Variants in WWOX observed in about 807,000 individuals in gnomAD.
WWOX encodes the protein WW domain containing oxidoreductase.
A neutral mutation model predicts 46.2 loss-of-function variants in WWOX; 69 were observed. That is an observed-to-expected ratio of 1.49 (90% CI 1.23 to 1.82). The LOEUF is 1.82. WWOX is among the 40% of genes most tolerant of loss of function. WWOX has a pLI of 0.00. For synonymous variants in WWOX, 359 were observed against 202.6 expected (o/e 1.77, Z -6.56); for missense variants, 919 against 542.6 (o/e 1.69, Z -6.89).
chr16:78,608,609 T>C (rs1032946792), intron 8 of WWOX, among the ~76,000 whole-genome samples: 1 of 152,176 alleles, frequency 6.6e-6, no homozygotes, highest in Non-Finnish European at 1.5e-5. Flanking sequence ...ACCCATACTG[T>C]GGAAGGGTCA....
chr16:78,149,441 C>T (rs1167057906), intron 4 of WWOX, among the ~76,000 whole-genome samples: 1 of 152,100 alleles, frequency 6.6e-6, no homozygotes, highest in Non-Finnish European at 1.5e-5. Context: ...ATTCTGAGCC[C>T]CAAGATGAAA....
intron 8 of WWOX, among the ~76,000 whole-genome samples, chr16:79,117,528 C>T (rs1254750541): frequency 6.6e-6 from 1 of 152,198 alleles, no homozygotes; most frequent in Non-Finnish European, 1.5e-5. Context: ...AAGTCACCAG[C>T]AGGGAAGAGA....
chr16:78,884,514 G>A (rs562519213), intron 8 of WWOX, among the ~76,000 whole-genome samples: 1 of 152,210 alleles, frequency 6.6e-6, no homozygotes, highest in South Asian at 2.1e-4. Flanking sequence ...TCACCAACAA[G>A]AATGAATGAC....
intron 8 of WWOX, among the ~76,000 whole-genome samples, chr16:78,560,727 A>G: frequency 6.6e-6 from 1 of 152,242 alleles, no homozygotes; most frequent in East Asian, 1.9e-4. Context: ...AAGCAATTAA[A>G]AAAAAGCAGC....
intron 8 of WWOX, among the ~76,000 whole-genome samples, chr16:79,019,031 C>T (rs2047474202): frequency 6.6e-6 from 1 of 151,340 alleles, no homozygotes; most frequent in Non-Finnish European, 1.5e-5. Flanking sequence ...GTGGCTCATG[C>T]CTGTAGTTTC....
chr16:78,768,356 G>C lies in WWOX; in HGVS notation c.1056+335604G>C, dbSNP rs1465456832. ...TGTACTCCCAGCACTTTGGGAGGCT[G>C]AGGTGGGCGGATCATCTGAGGTGAG... On this transcript the variant is annotated intron_variant, in intron 8 of 8. Transcript: ENST00000566780. Among the ~76,000 whole-genome samples the C allele has an allele frequency of 2.0e-5, 3 of 149,396 alleles. No homozygotes were observed. The Admixed American group carries it at 2.0e-4, about 10-fold the overall frequency.
In WWOX at chr16:78,738,608, C is replaced by A. The variant is rs116785221; in HGVS notation, c.1056+305856C>A. Among the ~76,000 whole-genome samples the A allele has an allele frequency of 2.2e-3, 331 of 152,304 alleles. 2 individuals are homozygous for A. The highest frequency in any genetic ancestry group is 7.8e-3 in the African/African-American group (322 of 41,548). ...ACTGCTGGATTATCTAGTCCCTGAA[C>A]AGCCATTTATATTTTTGTTACGCTT... is the stretch of plus-strand genomic sequence containing the variant. On this transcript the variant is annotated intron_variant, in intron 8 of 8. Transcript: ENST00000566780.
chr16:78,486,588 T>G (rs1400728117), intron 8 of WWOX, among the ~76,000 whole-genome samples: 1 of 151,938 alleles, frequency 6.6e-6, no homozygotes, highest in Non-Finnish European at 1.5e-5. Flanking sequence ...TTGTTTTGTT[T>G]TGTTTTGAAA....
At chr16:78,153,975 G>A (rs1422253108) in intron 4 of WWOX, among the ~76,000 whole-genome samples, 1 of 152,060 alleles carries the variant, frequency 6.6e-6, no homozygotes, top group Non-Finnish European at 1.5e-5. Flanking sequence ...TGTGCCTGAG[G>A]ATTCTGTGGG....
chr16:78,625,786 C>T (rs1169089485), intron 8 of WWOX, among the ~76,000 whole-genome samples: 2 of 123,326 alleles, frequency 1.6e-5, no homozygotes, highest in African/African-American at 6.3e-5. Context: ...TTTGCCAGTA[C>T]TTAAAAGTAA....
chr16:79,119,565 CA>C (rs2049585869), intron 8 of WWOX, among the ~76,000 whole-genome samples: 1 of 152,190 alleles, frequency 6.6e-6, no homozygotes, highest in African/African-American at 2.4e-5. Context: ...GTGGGTTTTA[CA>C]TTGAGAATCT....
At chr16:78,483,584 C>G (rs1301043307) in intron 8 of WWOX, among the ~76,000 whole-genome samples, 1 of 152,040 alleles carries the variant, frequency 6.6e-6, no homozygotes, top group African/African-American at 2.4e-5. Context: ...CTCGGAAAAT[C>G]AATAGGGATT....
intron 6 of WWOX, among the ~76,000 whole-genome samples, chr16:78,415,753 G>A (rs183097968): frequency 6.6e-6 from 1 of 152,164 alleles, no homozygotes; most frequent in Non-Finnish European, 1.5e-5. Flanking sequence ...CTCCACTCTT[G>A]CCAGAAAGCC....
At chr16:78,426,705 C>A (rs558594563) in intron 7 of WWOX, among the ~76,000 whole-genome samples, 20 of 152,270 alleles carry the variant, frequency 1.3e-4, no homozygotes, top group African/African-American at 4.6e-4. Context: ...TGATCTGTTA[C>A]CAGGCTGCAG....
At chr16:78,131,264 G>A (rs72802982) in intron 4 of WWOX, among the ~76,000 whole-genome samples, 27,346 of 152,182 alleles carry the variant, frequency 0.18, 2,659 homozygotes, top group South Asian at 0.23. Flanking sequence ...CCAGGCTTCA[G>A]TGCATCAGCG....
intron 8 of WWOX, among the ~76,000 whole-genome samples, chr16:78,675,505 A>G (rs1315749620): frequency 2.6e-5 from 4 of 152,200 alleles, no homozygotes; most frequent in Admixed American, 1.3e-4. Context: ...AGCACTTACA[A>G]CTAGTGACTC....
chr16:78,483,654 C>A (rs981837269), intron 8 of WWOX, among the ~76,000 whole-genome samples: 1 of 152,136 alleles, frequency 6.6e-6, no homozygotes, highest in African/African-American at 2.4e-5. Context: ...AATATTTCAT[C>A]TGTTTCACTT....
intron 8 of WWOX, among the ~76,000 whole-genome samples, chr16:78,906,088 G>A (rs562566100): frequency 9.8e-5 from 15 of 152,288 alleles, no homozygotes; most frequent in African/African-American, 2.6e-4. Flanking sequence ...CTTGGTTAGG[G>A]ACCTTGAGTA....
rs184032515 is a variant in WWOX, at chr16:78,457,785, G to A, written c.1056+25033G>A. 6.7e-3 allele frequency among the ~76,000 whole-genome samples: 1,012 copies of A among 151,360 alleles called. 6 individuals carry two copies. The highest frequency in any genetic ancestry group is 0.028 in the Middle Eastern group (8 of 288). The stretch of plus-strand genomic sequence containing the variant: ...AAAAATTATAGCTGGGCGTGGTGGC[G>A]GGCGCCTGTAGTCCCAGCTACTTGG... On this transcript the variant is annotated intron_variant, in intron 8 of 8. Transcript: ENST00000566780.
Sources: gnomAD v4.1 joint callset for allele counts (sites outside exome capture counted in the v4.1 genomes callset) on GRCh38, gnomAD v4.1.1 for gene constraint, MANE v1.5 for transcripts, NCBI Gene and HGNC (gene_info 2026-07-23, HGNC 2026-07-21) for gene names.